Variants in IRAG2 observed in about 807,000 individuals in gnomAD.
The protein encoded by IRAG2 is lymphoid restricted membrane protein.
A neutral mutation model predicts 69.9 loss-of-function variants in IRAG2; 45 were observed. The observed-to-expected ratio is 0.64, with a 90% confidence interval of 0.51 to 0.83. The LOEUF is 0.83. Ranked by LOEUF, IRAG2 falls within the 40% of genes least tolerant of loss-of-function variation. IRAG2 has a pLI of 0.00. For synonymous variants in IRAG2, 193 were observed against 202.4 expected, an observed-to-expected ratio of 0.95 and a Z score of 0.40; for missense variants, 520 against 587.0, an observed-to-expected ratio of 0.89 and a Z score of 1.18.
chr12:25,084,411 A>C (rs1051966775), intron 10 of IRAG2, among the ~76,000 whole-genome samples: 7 of 152,068 alleles, frequency 4.6e-5, no homozygotes, highest in African/African-American at 1.7e-4. Flanking sequence ...AAAGAGAGAG[A>C]GAGAGAAGAC....
At chr12:25,089,974 G>A in intron 13 of IRAG2, 83 bp from the exon 14 acceptor site, 2 of 1,435,354 alleles carry the variant, frequency 1.4e-6, no homozygotes, top group African/African-American at 1.4e-5. Context: ...AAATGCCTCA[G>A]TATAAAACAG....
intron 1 of IRAG2, among the ~76,000 whole-genome samples, chr12:25,059,715 A>G (rs1198489600): frequency 6.6e-6 from 1 of 152,148 alleles, no homozygotes; most frequent in Admixed American, 6.5e-5. Flanking sequence ...TGAAAAACAA[A>G]CATCTGTTTT....
At chr12:25,001,438 C>A (rs955063095), upstream of IRAG2, among the ~76,000 whole-genome samples, 41 of 151,782 alleles carry the variant, frequency 2.7e-4, no homozygotes, top group Non-Finnish European at 8.8e-5. Flanking sequence ...AGACCAAGAC[C>A]CTGTCTCGAA....
At chr12:25,101,625 A>G (rs2140240790) in intron 16 of IRAG2, among the ~76,000 whole-genome samples, 1 of 152,322 alleles carries the variant, frequency 6.6e-6, no homozygotes, top group South Asian at 2.1e-4. Context: ...CTTAGGATAC[A>G]TTAGAATTTC....
chr12:25,056,827 C>T (rs1026641679), intron 1 of IRAG2, among the ~76,000 whole-genome samples: 5 of 152,166 alleles, frequency 3.3e-5, no homozygotes, highest in African/African-American at 1.2e-4. Context: ...GGCTGCTGAA[C>T]AGGCAACAGG....
chr12:25,100,000 G>GAAA (rs56728551), intron 15 of IRAG2, among the ~76,000 whole-genome samples: 3 of 25,674 alleles, frequency 1.2e-4, no homozygotes, highest in Non-Finnish European at 1.7e-4. Flanking sequence ...GACTCCATCT[G>GAAA]AAAAAAAAAA....
intron 16 of IRAG2, among the ~76,000 whole-genome samples, chr12:25,041,699 G>T (rs1324179426): frequency 6.7e-6 from 1 of 149,854 alleles, no homozygotes; most frequent in Non-Finnish European, 1.5e-5. Flanking sequence ...TAGAGATGGG[G>T]TTTTGCTGTG....
chr12:25,030,935 TTTGA>T, intron 10 of IRAG2: 1 of 762,372 alleles, frequency 1.3e-6, no homozygotes, highest in Non-Finnish European at 1.6e-6. Context: ...TGAAACCCAA[TTTGA>T]TTGATTGATT....
intron 19 of IRAG2, 37 bp from the exon 20 acceptor site, chr12:25,104,324 T>C (rs953959845): frequency 1.3e-5 from 17 of 1,304,038 alleles, no homozygotes; most frequent in Admixed American, 1.0e-4. Flanking sequence ...TACAGATGTA[T>C]TTGATTTGAC....
intron 9 of IRAG2, among the ~76,000 whole-genome samples, chr12:25,029,999 G>A (rs904878004): frequency 5.3e-5 from 8 of 152,168 alleles, no homozygotes; most frequent in African/African-American, 1.9e-4. Flanking sequence ...AGGGCACTTG[G>A]CTGGAGCTGT....
chr12:25,004,685 C>T (rs529095069), exon 1 of IRAG2: 2 of 1,232,132 alleles, frequency 1.6e-6, no homozygotes, highest in African/African-American at 3.1e-5. Context: ...GTTATTCTCA[C>T]AAGTTCTGAA....
chr12:25,071,612 G>A (rs1485562467), intron 6 of IRAG2, among the ~76,000 whole-genome samples: 1 of 152,124 alleles, frequency 6.6e-6, no homozygotes, highest in Non-Finnish European at 1.5e-5. Flanking sequence ...TTACAAAGGA[G>A]GCAACTGAAG....
chr12:25,004,782 G>A (rs1944418393), exon 1 of IRAG2: 1 of 1,231,892 alleles, frequency 8.1e-7, no homozygotes, highest in Admixed American at 4.2e-5. Context: ...TCTCTAACAA[G>A]GATTTGAATA....
chr12:25,070,150 ATTCAC>A (rs906635619), intron 6 of IRAG2, among the ~76,000 whole-genome samples: 4 of 152,200 alleles, frequency 2.6e-5, no homozygotes, highest in African/African-American at 9.7e-5. Context: ...AATTTAAATT[ATTCAC>A]TTAAATGACT....
intron 2 of IRAG2, among the ~76,000 whole-genome samples, chr12:25,008,121 A>C (rs1209923113): frequency 6.6e-6 from 1 of 152,228 alleles, no homozygotes; most frequent in Non-Finnish European, 1.5e-5. Context: ...ATGAAGGCCT[A>C]GACCTATATT....
exon 14 of IRAG2, chr12:25,035,730 A>G (rs552969427): frequency 6.3e-5 from 25 of 398,930 alleles, no homozygotes; most frequent in Non-Finnish European, 1.1e-4. Flanking sequence ...AAATGCTGCT[A>G]TTACTAAGAG....
exon 15 of IRAG2, chr12:25,036,636 G>T: frequency 2.5e-6 from 1 of 398,900 alleles, no homozygotes; most frequent in Non-Finnish European, 4.4e-6. Flanking sequence ...TCGACGGTGG[G>T]TAACTAATCC....
At chr12:25,021,529 G>A (rs1334904256) in intron 7 of IRAG2, among the ~76,000 whole-genome samples, 3 of 151,410 alleles carry the variant, frequency 2.0e-5, no homozygotes, top group African/African-American at 7.4e-5. Flanking sequence ...AATAAGCACA[G>A]GCTTATAATT....
intron 20 of IRAG2, among the ~76,000 whole-genome samples, chr12:25,105,563 A>C (rs572858008): frequency 6.6e-6 from 1 of 151,786 alleles, no homozygotes; most frequent in Non-Finnish European, 1.5e-5. Context: ...TCTTTTTTTT[A>C]AAGTCCTGGG....
Sources: gnomAD v4.1 joint callset for allele counts (sites outside exome capture counted in the v4.1 genomes callset) on GRCh38, gnomAD v4.1.1 for gene constraint, MANE v1.5 for transcripts, NCBI Gene and HGNC (gene_info 2026-07-23, HGNC 2026-07-21) for gene names.